The following CCDC28A variants were observed in gnomAD, a reference collection of about 807,000 sequenced individuals.
The protein encoded by CCDC28A is coiled-coil domain-containing protein 28A.
Under a neutral mutation model 22.1 loss-of-function variants are expected in CCDC28A, and 24 were observed. The ratio of observed to expected loss-of-function variants is 1.09; its 90% CI spans 0.79 to 1.53. The LOEUF is 1.53. Ranked by LOEUF, CCDC28A falls within the 40% of genes most tolerant of loss-of-function variation. The pLI, the probability that CCDC28A is intolerant of heterozygous loss-of-function variation, is 0.00. For synonymous variants in CCDC28A, 83 were observed against 74.7 expected (o/e 1.11, Z -0.57); for missense variants, 170 against 210.7 (o/e 0.81, Z 1.20).
chr6:138,780,374 G>C (rs1026949076), intron 3 of CCDC28A, among the ~76,000 whole-genome samples: 1 of 152,054 alleles, frequency 6.6e-6, no homozygotes, highest in Admixed American at 6.6e-5. Context: ...TGGGATTCCT[G>C]ATTTAAAGTT....
At chr6:138,792,627 C>G (rs1775188699) in intron 5 of CCDC28A, 122 bp from the exon 6 acceptor site, 1 of 688,694 alleles carries the variant, frequency 1.5e-6, no homozygotes, top group Admixed American at 2.3e-5. Flanking sequence ...AACACAAGAG[C>G]TTTTCCTTTG....
At chr6:138,782,960 A>G (rs1251279726) in intron 3 of CCDC28A, among the ~76,000 whole-genome samples, 1 of 152,134 alleles carries the variant, frequency 6.6e-6, no homozygotes, top group African/African-American at 2.4e-5. Flanking sequence ...TTTTTAAAAA[A>G]TTCTACTATC....
intron 1 of CCDC28A, 101 bp downstream of exon 1, chr6:138,774,003 C>A: frequency 7.1e-7 from 1 of 1,399,372 alleles, no homozygotes; most frequent in Non-Finnish European, 9.8e-7. Flanking sequence ...GTCATCGCTT[C>A]GGTAGATTGG....
At chr6:138,792,332 C>T (rs1296287013) in intron 5 of CCDC28A, among the ~76,000 whole-genome samples, 1 of 152,002 alleles carries the variant, frequency 6.6e-6, no homozygotes, top group Non-Finnish European at 1.5e-5. Flanking sequence ...AGTTCAAGAC[C>T]AGCCTGGGCA....
In CCDC28A at chr6:138,784,353, CTTT is replaced by C. The variant is rs10689868; in HGVS notation, c.323-861_323-859del. 1.1e-4 allele frequency among the ~76,000 whole-genome samples: 16 copies of C among 140,234 alleles called. 1 individual carries two copies. The East Asian group carries it at 2.7e-3, about 23-fold the overall frequency. 92.0% of individuals were successfully genotyped at this position (140,234 alleles called of 152,430 possible). A position where few individuals can be genotyped will look rare whatever the true frequency, so the allele number is the denominator to read the frequency against. ...AGGGACGATTTTCTTTTCTCTTTTT[CTTT>C]TTTTTTTTTTTTGAGACAAGGTCTC... On this transcript the variant is annotated intron_variant, in intron 3 of 5. Coordinates refer to ENST00000617445, the MANE Select transcript of CCDC28A (RefSeq NM_015439.3).
chr6:138,787,512 C>T (rs1775110556), intron 4 of CCDC28A, among the ~76,000 whole-genome samples: 1 of 152,130 alleles, frequency 6.6e-6, no homozygotes, highest in Admixed American at 6.5e-5. Flanking sequence ...AATTCTACCT[C>T]ATATAGAAAA....
chr6:138,788,568 C>CTTTTTTTTTTTTTTTTT lies in CCDC28A; in HGVS notation c.500+187_500+203dup, dbSNP rs3070099. Among the ~76,000 whole-genome samples the CTTTTTTTTTTTTTTTTT allele has an allele frequency of 2.5e-3, 228 of 92,940 alleles. 17 individuals are homozygous for CTTTTTTTTTTTTTTTTT. Among genetic ancestry groups the CTTTTTTTTTTTTTTTTT allele is most frequent in the African/African-American group, 6.6e-3 (130 of 19,566 alleles). The allele number at this position is 92,940 out of a possible 152,430, so 61.0% of individuals were successfully genotyped here. A position where few individuals can be genotyped will look rare whatever the true frequency, so the allele number is the denominator to read the frequency against. On this transcript the variant is annotated intron_variant, in intron 5 of 5. Transcript: ENST00000617445. ...TTCTTTTCTTTCTCTTTTTTCTTTT[C>CTTTTTTTTTTTTTTTTT]TTTTTTTTTTTTTTTTTTTTTTTCA...
At position 138,792,746 on chromosome 6, in the gene CCDC28A, C is replaced by G. The variant is rs1775190912; in HGVS notation, c.501-3C>G. ...TGAAAATCTTCTTAACTGATTAATT[C>G]AGACAAAAACTCCATTTGGCAGATG... On this transcript the variant is annotated splice_polypyrimidine_tract_variant and splice_region_variant and intron_variant, in intron 5 of 5. Transcript: ENST00000617445. The G allele has an allele frequency of 6.3e-7, 1 of 1,589,230 alleles. No homozygotes were observed. The highest frequency in any genetic ancestry group is 8.6e-7 in the Non-Finnish European group (1 of 1,161,058).
chr6:138,791,244 C>A (rs1268577951), intron 5 of CCDC28A, among the ~76,000 whole-genome samples: 2 of 146,738 alleles, frequency 1.4e-5, no homozygotes, highest in African/African-American at 2.4e-5. Context: ...TTATGCCCAG[C>A]TATTTTTTTT....
intron 4 of CCDC28A, among the ~76,000 whole-genome samples, chr6:138,787,760 G>A (rs1033914160): frequency 9.9e-5 from 15 of 151,960 alleles, no homozygotes; most frequent in African/African-American, 3.4e-4. Context: ...AAACTCCTGG[G>A]CTCAAGCAGT....
chr6:138,776,439 A>G (rs557374783), intron 2 of CCDC28A, among the ~76,000 whole-genome samples, 161 bp downstream of exon 2: 1 of 152,298 alleles, frequency 6.6e-6, no homozygotes, highest in South Asian at 2.1e-4. Flanking sequence ...GTTACGGTGT[A>G]TAGATATTAG....
chr6:138,779,859 G>T lies in CCDC28A; in HGVS notation c.196G>T (p.Gly66Cys). 6.2e-7 allele frequency: 1 copy of T among 1,613,760 alleles called. No homozygotes were observed. Among genetic ancestry groups the T allele is most frequent in the Non-Finnish European group, 8.5e-7 (1 of 1,179,818 alleles). ...AAAGACCAAACCTCAGGGTGGAGAG[G>T]GCAAAGGCGCTCAGTCAACTCCGAT... ...KEKTKPQGGE[G>C]KGAQSTPIQH... is the part of the protein sequence containing the mutation. The change falls in exon 3 of 6, where the codon GGC becomes TGC. Residue 66 changes from glycine (G) to cysteine (C), a missense_variant. By Grantham distance (159) the Gly-to-Cys change is radical (BLOSUM62 -3). Transcript: ENST00000617445.
chr6:138,786,186 C>T (rs1371741092), intron 4 of CCDC28A, among the ~76,000 whole-genome samples: 1 of 152,154 alleles, frequency 6.6e-6, no homozygotes, highest in East Asian at 1.9e-4. Context: ...CTTTGCTTTT[C>T]CTGCCAGTCA....
At chr6:138,774,769 G>A (rs981159237) in intron 1 of CCDC28A, among the ~76,000 whole-genome samples, 1 of 152,216 alleles carries the variant, frequency 6.6e-6, no homozygotes, top group Admixed American at 6.5e-5. Flanking sequence ...GAATGGTCAT[G>A]GCATGCCTAA....
At chr6:138,788,568 C>CTTTTTTTTTTTTTTTTTTTTTTTTTT (rs3070099) in intron 5 of CCDC28A, among the ~76,000 whole-genome samples, 180 bp downstream of exon 5, 3 of 92,976 alleles carry the variant, frequency 3.2e-5, no homozygotes, top group Non-Finnish European at 4.3e-5. Context: ...TTTTTCTTTT[C>CTTTTTTTTTTTTTTTTTTTTTTTTTT]TTTTTTTTTT....
intron 3 of CCDC28A, among the ~76,000 whole-genome samples, chr6:138,784,322 T>C (rs1775061267): frequency 1.3e-5 from 2 of 151,564 alleles, no homozygotes; most frequent in African/African-American, 4.8e-5. Flanking sequence ...ACATTTTCTC[T>C]ACTTAAGGGA....
At chr6:138,791,677 C>G (rs1775172598) in intron 5 of CCDC28A, among the ~76,000 whole-genome samples, 1 of 152,188 alleles carries the variant, frequency 6.6e-6, no homozygotes, top group Admixed American at 6.5e-5. Context: ...TAGAGTTACT[C>G]TCACCTCCTT....
chr6:138,776,003 G>A, intron 1 of CCDC28A, 76 bp from the exon 2 acceptor site: 3 of 1,250,240 alleles, frequency 2.4e-6, no homozygotes, highest in Non-Finnish European at 3.5e-6. Flanking sequence ...TTTTGACCCT[G>A]TGAAATGGGT....
At chr6:138,774,585 T>G (rs543209286) in intron 1 of CCDC28A, among the ~76,000 whole-genome samples, 3 of 152,360 alleles carry the variant, frequency 2.0e-5, no homozygotes, top group South Asian at 4.1e-4. Context: ...CCAGAAAGCC[T>G]CTTCTTTGGC....
Sources: allele counts gnomAD v4.1 joint callset (sites outside exome capture counted in the v4.1 genomes callset), GRCh38; gene constraint gnomAD v4.1.1; transcripts MANE v1.5; gene names NCBI Gene and HGNC (gene_info 2026-07-23, HGNC 2026-07-21).